The following ZFPM1 variants were observed in gnomAD, a reference collection of about 807,000 sequenced individuals.
ZFPM1 encodes the protein zinc finger protein, FOG family member 1, also known as zinc finger protein ZFPM1.
Under a neutral mutation model 46.3 loss-of-function variants are expected in ZFPM1, and 28 were observed. The observed-to-expected ratio is 0.60, with a 90% CI of 0.45 to 0.83. The LOEUF (loss-of-function observed/expected upper bound fraction) is 0.83. Ranked by LOEUF, ZFPM1 falls within the 40% of genes least tolerant of loss-of-function variation. The pLI is 0.00. For missense variants in ZFPM1, 1,878 were observed against 1,432.4 expected, an observed-to-expected ratio of 1.31 and a Z score of -5.02; for synonymous variants, 957 against 675.9, an observed-to-expected ratio of 1.42 and a Z score of -6.45.
At chr16:88,467,389 C>A (rs78269030) in intron 1 of ZFPM1, among the ~76,000 whole-genome samples, 2 of 152,242 alleles carry the variant, frequency 1.3e-5, no homozygotes, top group Admixed American at 6.5e-5. Context: ...CCATGGCCAA[C>A]CCCCCTGAGG....
intron 3 of ZFPM1, among the ~76,000 whole-genome samples, chr16:88,500,258 C>A (rs1910177362): frequency 6.6e-6 from 1 of 152,206 alleles, no homozygotes; most frequent in Non-Finnish European, 1.5e-5. Flanking sequence ...CCAGAAGCTT[C>A]CCTCCTTGCC....
intron 1 of ZFPM1, among the ~76,000 whole-genome samples, chr16:88,466,987 C>T (rs1172150072): frequency 1.3e-5 from 2 of 151,990 alleles, no homozygotes; most frequent in African/African-American, 2.4e-5. Flanking sequence ...TGGGGGGACA[C>T]GAGCCGGGGC....
chr16:88,520,534 G>T (rs1911756695), intron 4 of ZFPM1, among the ~76,000 whole-genome samples: 1 of 138,682 alleles, frequency 7.2e-6, no homozygotes, highest in Non-Finnish European at 1.5e-5. Flanking sequence ...GAATGAATGG[G>T]TGGGTGGCTG....
chr16:88,521,656 CCT>C (rs1422530892), intron 4 of ZFPM1, among the ~76,000 whole-genome samples: 6 of 147,908 alleles, frequency 4.1e-5, no homozygotes, highest in Non-Finnish European at 9.0e-5. Flanking sequence ...TGTTCCCTCC[CCT>C]GTGCTGTTCC....
At chr16:88,499,627 G>A (rs367658986) in intron 3 of ZFPM1, among the ~76,000 whole-genome samples, 331 of 152,364 alleles carry the variant, frequency 2.2e-3, no homozygotes, top group Middle Eastern at 0.01. Flanking sequence ...CCTGAATCCC[G>A]CTGGCTGGGT....
chr16:88,494,656 C>T (rs983698235), intron 3 of ZFPM1, among the ~76,000 whole-genome samples: 3 of 152,138 alleles, frequency 2.0e-5, no homozygotes, highest in Non-Finnish European at 4.4e-5. Flanking sequence ...CAGCCCTGCA[C>T]GGGCAGGAGG....
rs777234087 is a variant in ZFPM1, at chr16:88,489,059, C to T, written c.174C>T (p.Pro58=). Residue 58 remains proline, a synonymous_variant, in exon 3 of 10, where the codon CCC becomes CCT. Transcript: ENST00000319555. ...TTAACTCACCCCCACCGCTGCCGCC[C>T]CCCACATCCCCAGGAGGCCCCAAGG... ...ADVNSPPPLP[P]PTSPGGPKEL... 2.4e-5 allele frequency: 38 copies of T among 1,613,108 alleles called. No homozygotes were observed. Among genetic ancestry groups the T allele is most frequent in the Middle Eastern group, 3.3e-4 (2 of 6,056 alleles).
In ZFPM1 at chr16:88,497,919, G is replaced by A. The variant is rs1471466721; in HGVS notation, c.268+8766G>A. Among the ~76,000 whole-genome samples the A allele has an allele frequency of 1.3e-5, 2 of 152,334 alleles. No homozygotes were observed. Among genetic ancestry groups the A allele is most frequent in the Middle Eastern group, 3.4e-3 (1 of 294 alleles). On this transcript the variant is annotated intron_variant, in intron 3 of 9. Coordinates refer to ENST00000319555, the MANE Select transcript of ZFPM1 (RefSeq NM_153813.3). This position sits in a 1 kb window ranked among gnomAD's most constrained non-coding sequence, Gnocchi z 5.4. ...GCTATCGGGTGGAGGCTGAGGCGGG[G>A]GCCCGGCCTGATGGACAGCAGGGAG...
rs1001428862 is a variant in ZFPM1 at position 88,453,297 on chromosome 16, C to A, written c.-342C>A. 1.4e-5 allele frequency: 2 copies of A among 146,952 alleles called. No individual in the cohort carries two copies. Among genetic ancestry groups the A allele is most frequent in the African/African-American group, 4.9e-5 (2 of 40,922 alleles). The allele number at this position is 146,952 out of a possible 1,614,324, so 9.1% of individuals were successfully genotyped here. ...GTGCCTCCAGCCCGCCAGGAGCGCC[C>A]TCGCAGTGGCCGCCTGCTCCGCCGC... On this transcript the variant is annotated 5_prime_UTR_variant, in exon 1 of 10. Coordinates refer to ENST00000319555, the MANE Select transcript of ZFPM1 (RefSeq NM_153813.3).
chr16:88,488,387 C>T (rs909874673), intron 2 of ZFPM1, among the ~76,000 whole-genome samples: 1 of 152,256 alleles, frequency 6.6e-6, no homozygotes, highest in Non-Finnish European at 1.5e-5. Flanking sequence ...CGCGATAACA[C>T]AGCAGCGCAG....
chr16:88,458,671 G>T (rs35494108), intron 1 of ZFPM1, among the ~76,000 whole-genome samples: 54 of 152,144 alleles, frequency 3.5e-4, no homozygotes, highest in Non-Finnish European at 5.6e-4. Flanking sequence ...GACCCGGCCC[G>T]GCCACACTCG....
chr16:88,474,415 C>T (rs948376553), intron 1 of ZFPM1, among the ~76,000 whole-genome samples: 28 of 152,180 alleles, frequency 1.8e-4, no homozygotes, highest in Non-Finnish European at 3.4e-4. Context: ...GCCCAGGGAC[C>T]CTACCACAGT....
intron 1 of ZFPM1, among the ~76,000 whole-genome samples, chr16:88,467,384 G>A (rs928436882): frequency 6.6e-6 from 1 of 152,176 alleles, no homozygotes; most frequent in Non-Finnish European, 1.5e-5. Context: ...GCAGGCCATG[G>A]CCAACCCCCC....
intron 4 of ZFPM1, among the ~76,000 whole-genome samples, chr16:88,517,900 G>C (rs569604755): frequency 2.4e-4 from 37 of 152,050 alleles, no homozygotes; most frequent in Non-Finnish European, 4.6e-4. Context: ...TGAATGGATG[G>C]ATAGGTGGAT....
intron 1 of ZFPM1, among the ~76,000 whole-genome samples, chr16:88,484,517 G>A (rs1909110515): frequency 6.6e-6 from 1 of 152,176 alleles, no homozygotes; most frequent in Non-Finnish European, 1.5e-5. Context: ...GGGGCTTGGC[G>A]GCCGCAGGAC....
At chr16:88,487,905 G>A (rs1228035392) in intron 2 of ZFPM1, among the ~76,000 whole-genome samples, 1 of 152,222 alleles carries the variant, frequency 6.6e-6, no homozygotes, top group Non-Finnish European at 1.5e-5. Flanking sequence ...AGCCTCTGGT[G>A]AGGCCTGGGA....
intron 4 of ZFPM1, among the ~76,000 whole-genome samples, chr16:88,517,230 GTGGGTGGGTGGGTGGATGGA>G (rs1309526771): frequency 1.7e-4 from 17 of 99,136 alleles, no homozygotes; most frequent in African/African-American, 9.7e-4. Flanking sequence ...GGATGGATGG[GTGGGTGGGTGGGTGGATGGA>G]TGGATGGATG....
chr16:88,472,647 C>A (rs1404956099), intron 1 of ZFPM1, among the ~76,000 whole-genome samples: 1 of 152,176 alleles, frequency 6.6e-6, no homozygotes, highest in Admixed American at 6.5e-5. Context: ...CCACTGCGCC[C>A]GGCCTGAATT....
At position 88,489,032 on chromosome 16, in the gene ZFPM1, T is replaced by G. The variant is rs562534173; in HGVS notation, c.147T>G (p.Asp49Glu). The G allele has an allele frequency of 1.9e-6, 3 of 1,612,252 alleles. No individual in the cohort carries two copies. Among genetic ancestry groups the G allele is most frequent in the East Asian group, 2.2e-5 (1 of 44,852 alleles). The change falls in exon 3 of 10, where the codon GAT becomes GAG. Residue 49 changes from aspartate (D) to glutamate (E), a missense_variant and splice_region_variant. Physicochemically the swap from Asp to Glu is conservative, Grantham distance 45. Transcript: ENST00000319555. The part of the protein sequence containing the change: ...APEAPSPPSA[D>E]VNSPPPLPPP... ...GTGACGGTGTTTTCCTCTCTGCAGA[T>G]GTTAACTCACCCCCACCGCTGCCGC...
Sources: allele counts gnomAD v4.1 joint callset (sites outside exome capture counted in the v4.1 genomes callset), GRCh38; gene constraint gnomAD v4.1.1; non-coding constraint Gnocchi (gnomAD v3.1); transcripts MANE v1.5; gene names NCBI Gene and HGNC (gene_info 2026-07-23, HGNC 2026-07-21).